Variants in PPME1 observed in about 807,000 individuals in gnomAD.
PPME1 encodes protein phosphatase methylesterase 1, also known as testicular secretory protein Li 39.
A neutral mutation model predicts 56.9 loss-of-function variants in PPME1; 17 were observed. The ratio of observed to expected loss-of-function variants is 0.30; its 90% CI spans 0.20 to 0.45. The LOEUF (loss-of-function observed/expected upper bound fraction) is 0.45, where lower values mean the gene tolerates loss of function less well. PPME1 is among the 20% of genes least tolerant of loss of function. The pLI is 1.00. For synonymous variants in PPME1, 122 were observed against 156.2 expected (o/e 0.78, Z 1.63); for missense variants, 357 against 483.2 (o/e 0.74, Z 2.45).
intron 1 of PPME1, among the ~76,000 whole-genome samples, chr11:74,183,664 TTC>T (rs1447412403): frequency 2.6e-5 from 4 of 152,144 alleles, no homozygotes; most frequent in African/African-American, 9.7e-5. Context: ...TACTTGATAG[TTC>T]TTTTTCTTAG....
At chr11:74,185,844 G>A (rs1857667108) in intron 1 of PPME1, among the ~76,000 whole-genome samples, 1 of 152,080 alleles carries the variant, frequency 6.6e-6, no homozygotes, top group African/African-American at 2.4e-5. Flanking sequence ...GTTTATCCAT[G>A]CACTTTAAGC....
chr11:74,232,555 A>C (rs989083673), intron 7 of PPME1, among the ~76,000 whole-genome samples: 1 of 152,232 alleles, frequency 6.6e-6, no homozygotes, highest in African/African-American at 2.4e-5. Context: ...TCAAGAATGT[A>C]GCTGCTGCCA....
In PPME1 at chr11:74,247,483, GTTT is replaced by G. The variant is rs761820906; in HGVS notation, c.1009+380_1009+382del. The G allele has an allele frequency of 6.8e-3, 814 of 119,012 alleles. 4 individuals are homozygous for G. The highest frequency in any genetic ancestry group is 0.023 in the African/African-American group (766 of 33,494). 7.4% of individuals were successfully genotyped at this position (119,012 alleles called of 1,614,324 possible). A position where few individuals can be genotyped will look rare whatever the true frequency, so the allele number is the denominator to read the frequency against. Reference sequence around the variant, plus strand: ...CTACTGATCAGTTTTTTGTTTGTGGGTTTTTTTTTTTTTTTTTTTTTTGAATTG... The same window carrying G: ...CTACTGATCAGTTTTTTGTTTGTGGGTTTTTTTTTTTTTTTTTTTGAATTG... On this transcript the variant is annotated intron_variant, in intron 11 of 13. Coordinates refer to ENST00000328257, the MANE Select transcript of PPME1 (RefSeq NM_016147.3).
intron 9 of PPME1, among the ~76,000 whole-genome samples, chr11:74,243,808 AAAAC>A (rs1859438622): frequency 6.6e-6 from 1 of 150,992 alleles, no homozygotes; most frequent in South Asian, 2.1e-4. Context: ...ACTGTGATAA[AAAAC>A]AAAAACAAAA....
intron 1 of PPME1, among the ~76,000 whole-genome samples, chr11:74,183,723 T>A (rs531271701): frequency 6.6e-6 from 1 of 152,334 alleles, no homozygotes; most frequent in Non-Finnish European, 1.5e-5. Flanking sequence ...TCTTACAAAT[T>A]GATGGTGCCT....
intron 1 of PPME1, among the ~76,000 whole-genome samples, chr11:74,198,104 A>C (rs1202598818): frequency 6.6e-6 from 1 of 152,234 alleles, no homozygotes; most frequent in Non-Finnish European, 1.5e-5. Context: ...GTTACCTACC[A>C]GAGTAGATTT....
chr11:74,207,650 A>G (rs1858360779), intron 3 of PPME1, among the ~76,000 whole-genome samples: 1 of 152,224 alleles, frequency 6.6e-6, no homozygotes, highest in Admixed American at 6.5e-5. Context: ...GTAATAATGT[A>G]TGGCTTCTGT....
At chr11:74,245,947 G>A (rs1209329982) in intron 9 of PPME1, 129 bp from the exon 10 acceptor site, 4 of 1,010,432 alleles carry the variant, frequency 4.0e-6, no homozygotes, top group Non-Finnish European at 5.7e-6. Flanking sequence ...ATATTAAAAT[G>A]TCTAGGACTT....
chr11:74,202,181 AACTCC>A (rs1195595573), intron 1 of PPME1, among the ~76,000 whole-genome samples: 2 of 152,354 alleles, frequency 1.3e-5, no homozygotes, highest in Non-Finnish European at 2.9e-5. Context: ...AAGGAATTTG[AACTCC>A]TCTGTCATTC....
intron 11 of PPME1, chr11:74,248,737 A>G (rs190884757): frequency 1.3e-5 from 2 of 152,354 alleles, no homozygotes; most frequent in African/African-American, 2.4e-5. Context: ...GTTCAATTCA[A>G]GAAACCTTTC....
chr11:74,206,524 A>G (rs1858331021), intron 3 of PPME1, among the ~76,000 whole-genome samples: 1 of 152,210 alleles, frequency 6.6e-6, no homozygotes, highest in South Asian at 2.1e-4. Context: ...GTTTGCCTGA[A>G]GAAAAGAAAG....
intron 12 of PPME1, 41 bp downstream of exon 12, chr11:74,251,059 G>GA: frequency 6.4e-7 from 1 of 1,561,654 alleles, no homozygotes. Context: ...ACAACTGTGA[G>GA]AATAACCCTG....
rs534131151 is a variant in PPME1, at chr11:74,200,964, A to G, written c.102-2764A>G. On this transcript the variant is annotated intron_variant, in intron 1 of 13. Transcript: ENST00000328257. Reference sequence around the variant, plus strand: ...GTCTCTCCCGAGTGGCAGGAACTACAGGCCTTTTTTTTCTTTTTTCTTTTT... The same window carrying G: ...GTCTCTCCCGAGTGGCAGGAACTACGGGCCTTTTTTTTCTTTTTTCTTTTT... Among the ~76,000 whole-genome samples the G allele has an allele frequency of 9.9e-5, 15 of 151,558 alleles. No individual in the cohort carries two copies. The South Asian group carries it at 3.1e-3, about 32-fold the overall frequency.
At chr11:74,198,864 A>G (rs1018078350) in intron 1 of PPME1, 2 of 152,112 alleles carry the variant, frequency 1.3e-5, no homozygotes, top group Non-Finnish European at 2.9e-5. Flanking sequence ...CTGGCTCTTC[A>G]TTTTCTAGGA....
chr11:74,186,321 A>G (rs1857681564), intron 1 of PPME1, among the ~76,000 whole-genome samples: 1 of 152,072 alleles, frequency 6.6e-6, no homozygotes, highest in Non-Finnish European at 1.5e-5. Flanking sequence ...TCTCCCAATC[A>G]TTACTATCCC....
intron 7 of PPME1, among the ~76,000 whole-genome samples, 176 bp downstream of exon 7, chr11:74,231,178 C>G (rs1859056861): frequency 6.6e-6 from 1 of 152,194 alleles, no homozygotes; most frequent in South Asian, 2.1e-4. Flanking sequence ...CCACCTCAGC[C>G]TCCCAAGTTG....
In PPME1 at chr11:74,244,733, A is replaced by G. The variant is rs1343752801; in HGVS notation, c.835-1343A>G. Among the ~76,000 whole-genome samples, 4 of 152,218 alleles carry G rather than the reference A, an allele frequency of 2.6e-5. No individual in the cohort carries two copies. The South Asian group carries it at 6.2e-4, about 24-fold the overall frequency. ...TCCATACACATAGTACCATTTGTCT[A>G]TTTTTGCTTTTGTTCACTGCTTTTT... On this transcript the variant is annotated intron_variant, in intron 9 of 13. Transcript: ENST00000328257.
intron 1 of PPME1, among the ~76,000 whole-genome samples, chr11:74,193,674 A>G (rs1365450893): frequency 2.6e-5 from 4 of 151,958 alleles, no homozygotes; most frequent in African/African-American, 7.3e-5. Flanking sequence ...TCCATCTTCT[A>G]TTTGTATTTT....
intron 7 of PPME1, chr11:74,235,693 T>C: frequency 2.9e-6 from 2 of 696,096 alleles, no homozygotes; most frequent in Non-Finnish European, 2.2e-6. Flanking sequence ...TCTGCAGAAC[T>C]GAAATGGCTA....
Sources: allele counts gnomAD v4.1 joint callset (sites outside exome capture counted in the v4.1 genomes callset), GRCh38; gene constraint gnomAD v4.1.1; transcripts MANE v1.5; gene names NCBI Gene and HGNC (gene_info 2026-07-23, HGNC 2026-07-21).